The following RUNX1T1 variants were observed in gnomAD, a reference collection of about 807,000 sequenced individuals.
RUNX1T1 encodes the protein RUNX1 partner transcriptional co-repressor 1.
In RUNX1T1, 4 loss-of-function variants were observed where a neutral mutation model predicts 62.8. That is an observed-to-expected ratio of 0.06 (90% CI 0.03 to 0.15). The LOEUF is 0.15. Among genes scored for constraint, RUNX1T1 ranks in the 10% least tolerant of loss-of-function variants. The pLI, the probability that RUNX1T1 is intolerant of heterozygous loss-of-function variation, is 1.00. For synonymous variants in RUNX1T1, 291 were observed against 286.0 expected (o/e 1.02, Z -0.18); for missense variants, 508 against 754.3 (o/e 0.67, Z 3.82).
chr8:92,056,406 T>C (rs1183043968), intron 1 of RUNX1T1, among the ~76,000 whole-genome samples: 1 of 152,222 alleles, frequency 6.6e-6, no homozygotes, highest in East Asian at 1.9e-4. Flanking sequence ...CCCAGTATCA[T>C]GTTCTCATAG....
chr8:92,099,913 C>G (rs1418755817), upstream of RUNX1T1, among the ~76,000 whole-genome samples: 1 of 152,104 alleles, frequency 6.6e-6, no homozygotes, highest in Non-Finnish European at 1.5e-5. Flanking sequence ...ATAATGGCAC[C>G]TTAAATGTGT....
chr8:91,993,787 T>C (rs1248848246), intron 5 of RUNX1T1, among the ~76,000 whole-genome samples: 1 of 152,100 alleles, frequency 6.6e-6, no homozygotes, highest in Non-Finnish European at 1.5e-5. Context: ...AGGTCAGGAA[T>C]TCGAGACTAG....
chr8:92,008,177 A>G (rs898853155), intron 4 of RUNX1T1, among the ~76,000 whole-genome samples: 4 of 152,084 alleles, frequency 2.6e-5, no homozygotes, highest in African/African-American at 9.7e-5. Flanking sequence ...GATCCCAAAG[A>G]TAAGAAATCC....
At chr8:91,993,630 T>A (rs971997182) in intron 5 of RUNX1T1, among the ~76,000 whole-genome samples, 2 of 152,180 alleles carry the variant, frequency 1.3e-5, no homozygotes, top group African/African-American at 4.8e-5. Flanking sequence ...TCTCAGGCTT[T>A]TTTCCCCCCA....
chr8:92,090,249 T>A (rs55819364), intron 1 of RUNX1T1, among the ~76,000 whole-genome samples: 292 of 151,944 alleles, frequency 1.9e-3, no homozygotes, highest in African/African-American at 6.8e-3. Flanking sequence ...TTACAAACTC[T>A]TTTTTTCCAG....
At chr8:92,035,616 C>T (rs534055020) in intron 1 of RUNX1T1, among the ~76,000 whole-genome samples, 1 of 152,200 alleles carries the variant, frequency 6.6e-6, no homozygotes, top group South Asian at 2.1e-4. Context: ...AATAGAGTTT[C>T]TACATCAGTG....
intron 1 of RUNX1T1, among the ~76,000 whole-genome samples, chr8:92,046,659 T>C (rs1259796204): frequency 6.6e-6 from 1 of 152,158 alleles, no homozygotes; most frequent in Non-Finnish European, 1.5e-5. Context: ...CCACAGTGCC[T>C]GGCCAAGATT....
intron 1 of RUNX1T1, among the ~76,000 whole-genome samples, chr8:92,088,070 G>A (rs892486812): frequency 3.3e-5 from 5 of 152,298 alleles, no homozygotes; most frequent in Non-Finnish European, 7.4e-5. Flanking sequence ...TAGCTGAACC[G>A]GAGAATGAAA....
intron 1 of RUNX1T1, among the ~76,000 whole-genome samples, chr8:92,056,206 A>G (rs974017870): frequency 1.3e-5 from 2 of 152,314 alleles, no homozygotes; most frequent in South Asian, 4.2e-4. Flanking sequence ...AAGCACAGCA[A>G]TTGTCTTTTT....
chr8:91,959,691 T>C (rs1384031380), exon 11 of RUNX1T1: 1 of 228,974 alleles, frequency 4.4e-6, no homozygotes, highest in African/African-American at 2.2e-5. Context: ...GCGCGTTTTG[T>C]AGCGGGTCTT....
At chr8:92,017,736 A>C in intron 1 of RUNX1T1, 12 of 794,622 alleles carry the variant, frequency 1.5e-5, no homozygotes, top group South Asian at 3.7e-5. Context: ...ATGACAGCTC[A>C]GAAATAACAA....
At chr8:92,006,091 G>A (rs1820719660) in intron 4 of RUNX1T1, 2 of 151,886 alleles carry the variant, frequency 1.3e-5, no homozygotes, top group African/African-American at 2.4e-5. Flanking sequence ...CTTGAATAAA[G>A]AACGGGCTGG....
intron 10 of RUNX1T1, 131 bp from the exon 12 acceptor site, chr8:91,960,648 G>T: frequency 1.1e-6 from 1 of 932,226 alleles, no homozygotes; most frequent in South Asian, 1.6e-5. Context: ...AAATCCAGGT[G>T]TTCACGTATG....
chr8:91,956,185 T>C (rs1809352341), downstream of RUNX1T1: 1 of 230,870 alleles, frequency 4.3e-6, no homozygotes, highest in South Asian at 1.8e-4. Flanking sequence ...CAAAAGGGCC[T>C]CTGCTATCTA....
At chr8:91,976,621 TTTAAA>T (rs1181580503) in intron 8 of RUNX1T1, among the ~76,000 whole-genome samples, 3 of 152,254 alleles carry the variant, frequency 2.0e-5, no homozygotes, top group African/African-American at 7.2e-5. Flanking sequence ...GAAGTTCCAC[TTTAAA>T]TTAAATGCTG....
intron 9 of RUNX1T1, among the ~76,000 whole-genome samples, chr8:91,972,592 C>T (rs1477033385): frequency 6.6e-6 from 1 of 151,996 alleles, no homozygotes; most frequent in Non-Finnish European, 1.5e-5. Flanking sequence ...ACTATACAGC[C>T]AGGGTCTAAT....
intron 8 of RUNX1T1, among the ~76,000 whole-genome samples, chr8:91,981,126 A>G (rs1279108238): frequency 6.6e-6 from 1 of 152,178 alleles, no homozygotes; most frequent in Non-Finnish European, 1.5e-5. Flanking sequence ...TTACACGAGG[A>G]AACTGAAGCA....
At chr8:92,017,069 T>G (rs1823155804) in intron 2 of RUNX1T1, among the ~76,000 whole-genome samples, 157 bp downstream of exon 3, 1 of 152,246 alleles carries the variant, frequency 6.6e-6, no homozygotes, top group African/African-American at 2.4e-5. Flanking sequence ...ACTTCTGTGC[T>G]CAGTACCTAC....
chr8:92,044,987 T>C (rs1829137590), intron 1 of RUNX1T1, among the ~76,000 whole-genome samples: 1 of 151,854 alleles, frequency 6.6e-6, no homozygotes, highest in South Asian at 2.1e-4. Context: ...TCCTAGCACT[T>C]TGGGTGGCCA....
Sources: allele counts gnomAD v4.1 joint callset (sites outside exome capture counted in the v4.1 genomes callset), GRCh38; gene constraint gnomAD v4.1.1; transcripts MANE v1.5; gene names NCBI Gene and HGNC (gene_info 2026-07-23, HGNC 2026-07-21).